CDX1: variants seen among roughly 807,000 people sequenced by gnomAD.
CDX1 encodes the protein homeobox protein CDX-1.
Under a neutral mutation model 16.9 loss-of-function variants are expected in CDX1, and 9 were observed. The ratio of observed to expected loss-of-function variants is 0.53; its 90% CI spans 0.32 to 0.93. The LOEUF is 0.93. Among genes scored for constraint, CDX1 ranks in the 40% least tolerant of loss-of-function variants. CDX1 has a pLI of 0.04. For synonymous variants in CDX1, 179 were observed against 179.0 expected (o/e 1.00, Z 0.00); for missense variants, 393 against 386.1 (o/e 1.02, Z -0.15).
At position 150,167,134 on chromosome 5, in the gene CDX1, C is replaced by T; in HGVS notation, c.258C>T (p.Ser86=). 1 of 1,326,238 alleles carries T rather than the reference C, an allele frequency of 7.5e-7. No homozygotes were observed. 82.2% of individuals were successfully genotyped at this position (1,326,238 alleles called of 1,614,324 possible). The change falls in exon 1 of 3, where the codon AGC becomes AGT. Residue 86 remains serine (S), a synonymous_variant. Coordinates refer to ENST00000231656, the MANE Select transcript of CDX1 (RefSeq NM_001804.3). ...CGGGCCCCGCGGCCCCTGCCGCCAG[C>T]CCAGCTTCGCTGGCATTCGGGCCCC... ...YGPGPAAPAA[S]PASLAFGPPP...
In CDX1 at chr5:150,183,648, C is replaced by A; in HGVS notation, c.766C>A (p.Pro256Thr). 6.2e-7 allele frequency: 1 copy of A among 1,600,612 alleles called. No individual in the cohort carries two copies. Among genetic ancestry groups the A allele is most frequent in the Non-Finnish European group, 8.5e-7 (1 of 1,171,474 alleles). The change falls in exon 3 of 3, where the codon CCA becomes ACA. Residue 256 changes from proline (P) to threonine (T), a missense_variant. Pro to Thr is a conservative substitution (Grantham distance 38). Coordinates refer to ENST00000231656, the MANE Select transcript of CDX1 (RefSeq NM_001804.3). ...SNTSLLATSS[P>T]MPVKEEFLP ...CACCAGCCTCCTGGCCACCTCCTCT[C>A]CAATGCCTGTGAAAGAGGAGTTTCT...
chr5:150,166,782 G>A lies in CDX1; in HGVS notation c.-95G>A. ...CCTGGGTGGGGCGGGCGCGGCGGCA[G>A]GACAGCCGAGTTCAGGTGAGCGGTT... is the stretch of plus-strand genomic sequence containing the variant. On this transcript the variant is annotated 5_prime_UTR_variant, in exon 1 of 3. Transcript: ENST00000231656. The A allele has an allele frequency of 6.8e-6, 6 of 884,566 alleles. No individual in the cohort carries two copies. In the South Asian group the frequency reaches 1.5e-4, roughly 22 times the overall value. The allele number at this position is 884,566 out of a possible 1,614,324, so 54.8% of individuals were successfully genotyped here.
chr5:150,181,577 C>T (rs752375206), intron 1 of CDX1, among the ~76,000 whole-genome samples: 4 of 152,140 alleles, frequency 2.6e-5, no homozygotes, highest in Non-Finnish European at 4.4e-5. Context: ...CCGCGCCTGG[C>T]CCTACATGAC....
intron 1 of CDX1, among the ~76,000 whole-genome samples, chr5:150,176,034 C>T (rs1254981183): frequency 6.6e-6 from 1 of 152,188 alleles, no homozygotes; most frequent in East Asian, 1.9e-4. Context: ...CTAAGATGAC[C>T]AGGCTGGACC....
intron 1 of CDX1, among the ~76,000 whole-genome samples, chr5:150,171,555 C>G (rs769642899): frequency 1.3e-5 from 2 of 152,218 alleles, no homozygotes; most frequent in Non-Finnish European, 2.9e-5. Flanking sequence ...CCAGGATGGT[C>G]TCGATCTCCT....
chr5:150,179,047 G>A (rs749050191), intron 1 of CDX1, among the ~76,000 whole-genome samples: 17 of 151,980 alleles, frequency 1.1e-4, no homozygotes, highest in African/African-American at 1.5e-4. Context: ...GCTCTTGGTC[G>A]GATCAGTTAC....
chr5:150,167,460 G>A, intron 1 of CDX1, 139 bp downstream of exon 1: 1 of 503,066 alleles, frequency 2.0e-6, no homozygotes, highest in Non-Finnish European at 3.1e-6. Context: ...TCGCCCTGGG[G>A]GGCTGCTCTT....
At position 150,167,021 on chromosome 5, in the gene CDX1, T is replaced by C. The variant is rs1260082350; in HGVS notation, c.145T>C (p.Ser49Pro). The change falls in exon 1 of 3, where the codon TCT becomes CCT. Residue 49 changes from serine to proline, a missense_variant. Physicochemically the swap from Ser to Pro is moderately conservative, Grantham distance 74 (BLOSUM62 -1). Transcript: ENST00000231656. ...GCAGTACCCCGACTTCTCCAGCTACTCTCACGTGGAGCCGGCCCCCGCGCC... is the reference window on the plus strand; with the variant it reads ...GCAGTACCCCGACTTCTCCAGCTACCCTCACGTGGAGCCGGCCCCCGCGCC... ...PPQYPDFSSYSHVEPAPAPPT... is the reference protein window; with the variant it reads ...PPQYPDFSSYPHVEPAPAPPT... The C allele has an allele frequency of 1.4e-6, 2 of 1,422,848 alleles. No individual in the cohort carries two copies. Among genetic ancestry groups the C allele is most frequent in the Non-Finnish European group, 1.8e-6 (2 of 1,092,728 alleles). The allele number at this position is 1,422,848 out of a possible 1,614,324, so 88.1% of individuals were successfully genotyped here.
Position 150,182,314 on chromosome 5 carries a change from C to T in CDX1, c.446-454C>T, listed in dbSNP as rs542418748. The stretch of plus-strand genomic sequence containing the variant: ...GGAGAGTTTGTTAAAAATGCAGATT[C>T]CACCCCCAGGCTTTCTGACTAACTG... On this transcript the variant is annotated intron_variant, in intron 1 of 2. Coordinates refer to ENST00000231656, the MANE Select transcript of CDX1 (RefSeq NM_001804.3). 5.3e-5 allele frequency among the ~76,000 whole-genome samples: 8 copies of T among 152,362 alleles called. No individual in the cohort carries two copies. In the South Asian group the frequency reaches 1.7e-3, roughly 32 times the overall value.
intron 1 of CDX1, among the ~76,000 whole-genome samples, chr5:150,175,866 G>C (rs952135527): frequency 1.3e-5 from 2 of 152,168 alleles, no homozygotes; most frequent in African/African-American, 4.8e-5. Flanking sequence ...TCTCTCTCAC[G>C]AGGGACTCCA....
rs955768406 is a variant in CDX1 at position 150,183,763 on chromosome 5, C to T, written c.*83C>T. 6.9e-6 allele frequency: 8 copies of T among 1,157,512 alleles called. No individual in the cohort carries two copies. The highest frequency in any genetic ancestry group is 5.4e-5 in the South Asian group (3 of 55,996). The allele number at this position is 1,157,512 out of a possible 1,614,324, so 71.7% of individuals were successfully genotyped here. Reference sequence around the variant, plus strand: ...TCCTGTGGGCCCAGGAGGTCTGGTCCGAGTCTCAGCCCTGACCTTCTGGGA... The same window carrying T: ...TCCTGTGGGCCCAGGAGGTCTGGTCTGAGTCTCAGCCCTGACCTTCTGGGA... On this transcript the variant is annotated 3_prime_UTR_variant, in exon 3 of 3. Coordinates refer to ENST00000231656, the MANE Select transcript of CDX1 (RefSeq NM_001804.3).
chr5:150,173,076 C>T (rs1761527672), intron 1 of CDX1, among the ~76,000 whole-genome samples: 1 of 152,202 alleles, frequency 6.6e-6, no homozygotes, highest in Non-Finnish European at 1.5e-5. Flanking sequence ...ATGGATCCCC[C>T]CCATCAACAG....
intron 1 of CDX1, among the ~76,000 whole-genome samples, chr5:150,174,853 T>C (rs556778879): frequency 1.3e-5 from 2 of 151,728 alleles, no homozygotes; most frequent in South Asian, 4.2e-4. Context: ...CTCGGCTCAC[T>C]GCAACGTCCG....
rs756165293 is a variant in CDX1 at position 150,182,809 on chromosome 5, G to A, written c.487G>A (p.Asp163Asn). 29 of 1,612,594 alleles carry A rather than the reference G, an allele frequency of 1.8e-5. No homozygotes were observed. The highest frequency in any genetic ancestry group is 3.3e-5 in the Admixed American group (2 of 59,868). Residue 163 changes from aspartate (D) to asparagine (N), a missense_variant, in exon 2 of 3, where the codon GAC becomes AAC. Physicochemically the swap from Asp to Asn is conservative, Grantham distance 23 (BLOSUM62 1). Coordinates refer to ENST00000231656, the MANE Select transcript of CDX1 (RefSeq NM_001804.3). The stretch of plus-strand genomic sequence containing the variant: ...GGACAAGTACCGCGTGGTCTACACC[G>A]ACCACCAACGCCTGGAGCTGGAGAA... ...TKDKYRVVYTDHQRLELEKEF... is the reference protein window; with the variant it reads ...TKDKYRVVYTNHQRLELEKEF...
intron 1 of CDX1, among the ~76,000 whole-genome samples, chr5:150,169,845 A>C (rs1761480772): frequency 6.6e-6 from 1 of 152,122 alleles, no homozygotes; most frequent in Non-Finnish European, 1.5e-5. Context: ...GGACAGTTAG[A>C]GACCACACAT....
Position 150,184,391 on chromosome 5 carries a change from C to T in CDX1, c.*711C>T, listed in dbSNP as rs1752524051. 6.6e-6 allele frequency: 1 copy of T among 152,178 alleles called. No individual in the cohort carries two copies. The highest frequency in any genetic ancestry group is 2.4e-5 in the African/African-American group (1 of 41,416). The allele number at this position is 152,178 out of a possible 1,614,324, so 9.4% of individuals were successfully genotyped here. On this transcript the variant is annotated 3_prime_UTR_variant, in exon 3 of 3. Coordinates refer to ENST00000231656, the MANE Select transcript of CDX1 (RefSeq NM_001804.3). ...CTGCCCATCAGGGCCCAGGGAGCCC[C>T]CAGAGGACTTTATTCGGACCAAGCA... is the stretch of plus-strand genomic sequence containing the variant.
intron 1 of CDX1, 62 bp from the exon 2 acceptor site, chr5:150,182,706 G>A (rs1752478087): frequency 6.7e-7 from 1 of 1,482,024 alleles, no homozygotes; most frequent in African/African-American, 1.4e-5. Flanking sequence ...GTCCTGCCTG[G>A]GCCTTTTTTG....
chr5:150,167,327 G>T lies in CDX1; in HGVS notation c.445+6G>T, dbSNP rs1761441710. On this transcript the variant is annotated splice_donor_region_variant and intron_variant, in intron 1 of 2. Transcript: ENST00000231656. ...CGGAGGCGGCGGTGGCAGCGGTAAG[G>T]ACCCTTCCCTCGCCCTGCGCCTCTG... 3 of 1,253,382 alleles carry T rather than the reference G, an allele frequency of 2.4e-6. No individual in the cohort carries two copies. The highest frequency in any genetic ancestry group is 3.0e-6 in the Non-Finnish European group (3 of 1,002,878). The allele number at this position is 1,253,382 out of a possible 1,614,324, so 77.6% of individuals were successfully genotyped here. A position where few individuals can be genotyped will look rare whatever the true frequency, so the allele number is the denominator to read the frequency against.
At chr5:150,171,485 G>A (rs1185556981) in intron 1 of CDX1, among the ~76,000 whole-genome samples, 2 of 152,168 alleles carry the variant, frequency 1.3e-5, no homozygotes, top group Non-Finnish European at 1.5e-5. Flanking sequence ...ACAAGCGCAC[G>A]CTGTCATGCC....
Sources: allele counts gnomAD v4.1 joint callset (sites outside exome capture counted in the v4.1 genomes callset), GRCh38; gene constraint gnomAD v4.1.1; transcripts MANE v1.5; gene names NCBI Gene and HGNC (gene_info 2026-07-23, HGNC 2026-07-21).